FAM193A: variants seen among roughly 807,000 people sequenced by gnomAD.
FAM193A encodes protein FAM193A.
FAM193A carries 22 observed loss-of-function variants against 126.5 expected under a neutral mutation model. That is an observed-to-expected ratio of 0.17 (90% CI 0.12 to 0.25). The LOEUF (loss-of-function observed/expected upper bound fraction) is 0.25, where lower values mean the gene tolerates loss of function less well. Ranked by LOEUF, FAM193A falls within the 10% of genes least tolerant of loss-of-function variation. The probability of loss-of-function intolerance (pLI) is 1.00; values close to 1 mark genes in which losing one functional copy is unlikely to be tolerated. For synonymous variants in FAM193A, 761 were observed against 646.8 expected (o/e 1.18, Z -2.68); for missense variants, 1,675 against 1,672.8 (o/e 1.00, Z -0.02).
intron 7 of FAM193A, among the ~76,000 whole-genome samples, chr4:2,652,141 C>G (rs1745733717): frequency 6.6e-6 from 1 of 152,140 alleles, no homozygotes; most frequent in Admixed American, 6.6e-5. Context: ...GCAGAGTACC[C>G]TTCATGGGAG....
At chr4:2,584,297 C>T (rs1740110412) in intron 1 of FAM193A, among the ~76,000 whole-genome samples, 1 of 151,814 alleles carries the variant, frequency 6.6e-6, no homozygotes. Context: ...CTTGGTGGCT[C>T]GCACCTGTAA....
chr4:2,537,611 G>C (rs937304796), intron 1 of FAM193A, among the ~76,000 whole-genome samples: 2 of 152,266 alleles, frequency 1.3e-5, no homozygotes, highest in Non-Finnish European at 2.9e-5. Flanking sequence ...CAGAGCGACT[G>C]CGATTCCGGG....
In FAM193A at chr4:2,657,858, AAAG is replaced by A. The variant is rs1468741381; in HGVS notation, c.1372_1374del (p.Arg458del). ...ACAGAAGACTGGGAGCTTTTTAAAC[AAAG>A]AAGATTCATTGAAGAACAGGTAAGC... On this transcript the variant is annotated inframe_deletion, in exon 8 of 21. Coordinates refer to ENST00000637812, the MANE Select transcript of FAM193A (RefSeq NM_001366318.2). The A allele has an allele frequency of 6.2e-7, 1 of 1,612,476 alleles. No individual in the cohort carries two copies. The highest frequency in any genetic ancestry group is 1.7e-5 in the Admixed American group (1 of 59,854).
chr4:2,595,319 G>C (rs904411540), intron 1 of FAM193A, among the ~76,000 whole-genome samples: 1 of 152,214 alleles, frequency 6.6e-6, no homozygotes, highest in African/African-American at 2.4e-5. Flanking sequence ...CAGGTGCTGG[G>C]ATCACAGGCG....
intron 1 of FAM193A, among the ~76,000 whole-genome samples, chr4:2,566,942 CTTTT>C (rs71644339): frequency 7.2e-6 from 1 of 138,900 alleles, no homozygotes. Context: ...ATTTCTTTTT[CTTTT>C]TTTTTTTTTT....
chr4:2,578,534 G>A (rs1357596538), intron 1 of FAM193A, among the ~76,000 whole-genome samples: 8 of 151,994 alleles, frequency 5.3e-5, no homozygotes, highest in Non-Finnish European at 1.0e-4. Flanking sequence ...AGGGTAAACA[G>A]TGAGTAGTTT....
At chr4:2,710,935 T>C (rs916632006) in intron 19 of FAM193A, among the ~76,000 whole-genome samples, 2 of 144,668 alleles carry the variant, frequency 1.4e-5, no homozygotes, top group Non-Finnish European at 3.0e-5. Flanking sequence ...CACTGCAAAC[T>C]CCGCCTCCCG....
chr4:2,552,370 T>TTC (rs1737983369), intron 1 of FAM193A, among the ~76,000 whole-genome samples: 1 of 151,498 alleles, frequency 6.6e-6, no homozygotes, highest in Non-Finnish European at 1.5e-5. Flanking sequence ...ACGCTGGTGT[T>TTC]TAACTCCTGA....
intron 1 of FAM193A, among the ~76,000 whole-genome samples, chr4:2,580,624 C>T (rs1739864347): frequency 6.6e-6 from 1 of 152,144 alleles, no homozygotes; most frequent in Non-Finnish European, 1.5e-5. Context: ...TCTGTTAGTT[C>T]ACTTGAAATC....
chr4:2,638,686 C>G (rs571561476), intron 5 of FAM193A, among the ~76,000 whole-genome samples: 1 of 152,246 alleles, frequency 6.6e-6, no homozygotes, highest in African/African-American at 2.4e-5. Flanking sequence ...CTGGTGTGCT[C>G]TCTCCAAATG....
At chr4:2,577,619 G>A (rs1411588537) in intron 1 of FAM193A, among the ~76,000 whole-genome samples, 1 of 151,670 alleles carries the variant, frequency 6.6e-6, no homozygotes, top group Non-Finnish European at 1.5e-5. Flanking sequence ...GAGTTTTGCC[G>A]TGTTGGCCAG....
At chr4:2,543,333 C>T (rs983951912) in intron 1 of FAM193A, among the ~76,000 whole-genome samples, 4 of 151,924 alleles carry the variant, frequency 2.6e-5, no homozygotes, top group Admixed American at 6.6e-5. Context: ...GTGATGTACC[C>T]GCCTCGGCCT....
At chr4:2,628,730 A>G (rs76233085) in intron 4 of FAM193A, among the ~76,000 whole-genome samples, 1 of 152,314 alleles carries the variant, frequency 6.6e-6, no homozygotes, top group African/African-American at 2.4e-5. Context: ...CAGCTTATTA[A>G]CATTGCAACT....
intron 10 of FAM193A, among the ~76,000 whole-genome samples, chr4:2,661,668 C>T (rs757081073): frequency 5.3e-5 from 8 of 152,126 alleles, no homozygotes; most frequent in Non-Finnish European, 8.8e-5. Flanking sequence ...ATTTGGTAGT[C>T]CTGGACACTC....
chr4:2,553,114 C>G (rs1314517383), intron 1 of FAM193A, among the ~76,000 whole-genome samples: 1 of 152,140 alleles, frequency 6.6e-6, no homozygotes, highest in East Asian at 1.9e-4. Flanking sequence ...TCCCAGCGTG[C>G]TGGGATTACG....
At chr4:2,548,622 A>G (rs1226773045) in intron 1 of FAM193A, among the ~76,000 whole-genome samples, 2 of 149,844 alleles carry the variant, frequency 1.3e-5, no homozygotes, top group Non-Finnish European at 3.0e-5. Flanking sequence ...GCGCCTGGCT[A>G]ATTTTTGTAT....
At chr4:2,535,854 G>T (rs1027401372), upstream of FAM193A, among the ~76,000 whole-genome samples, 3 of 152,110 alleles carry the variant, frequency 2.0e-5, no homozygotes, top group East Asian at 3.9e-4. Context: ...CTTTAGGCGA[G>T]GGGTTCTCGG....
At chr4:2,659,317 G>A (rs768671031) in intron 8 of FAM193A, among the ~76,000 whole-genome samples, 1 of 152,146 alleles carries the variant, frequency 6.6e-6, no homozygotes, top group Non-Finnish European at 1.5e-5. Flanking sequence ...CTGTGAGGGC[G>A]CACTGCAGCA....
intron 1 of FAM193A, among the ~76,000 whole-genome samples, chr4:2,559,929 G>A (rs566635947): frequency 1.3e-5 from 2 of 151,986 alleles, no homozygotes; most frequent in South Asian, 4.2e-4. Flanking sequence ...TTGCCTCTGC[G>A]CCTTTGTGCA....
Sources: gnomAD v4.1 joint callset for allele counts (sites outside exome capture counted in the v4.1 genomes callset) on GRCh38, gnomAD v4.1.1 for gene constraint, MANE v1.5 for transcripts, NCBI Gene and HGNC (gene_info 2026-07-23, HGNC 2026-07-21) for gene names.